The following CDH8 variants were observed in gnomAD, a reference collection of about 807,000 sequenced individuals.
The protein encoded by CDH8 is cadherin 8.
In CDH8, 17 loss-of-function variants were observed where a neutral mutation model predicts 68.1. The observed-to-expected ratio is 0.25, with a 90% CI of 0.17 to 0.37. The LOEUF (loss-of-function observed/expected upper bound fraction) is 0.37, where lower values mean the gene tolerates loss of function less well. Among genes scored for constraint, CDH8 ranks in the 10% least tolerant of loss-of-function variants. The pLI, the probability that CDH8 is intolerant of heterozygous loss-of-function variation, is 1.00. For missense variants in CDH8, 763 were observed against 999.3 expected, an observed-to-expected ratio of 0.76 and a Z score of 3.19; for synonymous variants, 372 against 365.1, an observed-to-expected ratio of 1.02 and a Z score of -0.21.
chr16:61,658,963 T>C (rs1331328048), intron 10 of CDH8, among the ~76,000 whole-genome samples: 2 of 152,204 alleles, frequency 1.3e-5, no homozygotes, highest in Non-Finnish European at 2.9e-5. Context: ...ATATAGTTTA[T>C]TGTGATAGTA....
intron 8 of CDH8, among the ~76,000 whole-genome samples, chr16:61,758,044 G>C (rs1567456586): frequency 6.6e-6 from 1 of 152,144 alleles, no homozygotes; most frequent in Non-Finnish European, 1.5e-5. Flanking sequence ...TAGATTAATT[G>C]AGAATATTGT....
chr16:62,035,766 G>T (rs1201383144), intron 1 of CDH8, among the ~76,000 whole-genome samples: 3 of 152,124 alleles, frequency 2.0e-5, no homozygotes, highest in Non-Finnish European at 2.9e-5. Context: ...AAATAGCCAA[G>T]TCGCCGCAGG....
At chr16:61,839,035 G>A (rs371565347) in intron 4 of CDH8, among the ~76,000 whole-genome samples, 37 of 152,140 alleles carry the variant, frequency 2.4e-4, no homozygotes, top group Non-Finnish European at 4.7e-4. Context: ...AGTAAATGAC[G>A]TTGGAATCTA....
chr16:61,902,948 T>C (rs1410614274), intron 2 of CDH8, among the ~76,000 whole-genome samples: 3 of 152,198 alleles, frequency 2.0e-5, no homozygotes, highest in Non-Finnish European at 4.4e-5. Context: ...AATTCATTAA[T>C]GTGATATTAA....
At chr16:61,762,256 T>A (rs1404618725) in intron 8 of CDH8, among the ~76,000 whole-genome samples, 1 of 152,170 alleles carries the variant, frequency 6.6e-6, no homozygotes, top group African/African-American at 2.4e-5. Flanking sequence ...CTGAATAAAC[T>A]GGGTAGACTG....
At chr16:61,814,161 G>A (rs904266087) in intron 7 of CDH8, among the ~76,000 whole-genome samples, 2 of 152,122 alleles carry the variant, frequency 1.3e-5, no homozygotes, top group African/African-American at 4.8e-5. Context: ...CCATACGGAG[G>A]AGAAAACTGA....
intron 10 of CDH8, among the ~76,000 whole-genome samples, chr16:61,712,345 G>T (rs558818738): frequency 6.6e-6 from 1 of 151,762 alleles, no homozygotes. Context: ...AGCCACACAA[G>T]AAGTGTATCT....
At chr16:61,694,417 C>T (rs1377491255) in intron 10 of CDH8, among the ~76,000 whole-genome samples, 1 of 152,138 alleles carries the variant, frequency 6.6e-6, no homozygotes, top group African/African-American at 2.4e-5. Flanking sequence ...AGTTTTCAAA[C>T]TGTCTTGGAT....
At chr16:61,783,872 A>G (rs556219520) in intron 8 of CDH8, among the ~76,000 whole-genome samples, 1 of 152,336 alleles carries the variant, frequency 6.6e-6, no homozygotes, top group Non-Finnish European at 1.5e-5. Context: ...AATACTTTAC[A>G]GACAAGCAAA....
intron 2 of CDH8, among the ~76,000 whole-genome samples, chr16:61,998,257 T>G (rs547365393): frequency 4.8e-4 from 73 of 152,322 alleles, no homozygotes; most frequent in African/African-American, 1.7e-3. Flanking sequence ...ATTAATATAT[T>G]GTTATTGTTG....
intron 9 of CDH8, chr16:61,725,496 GA>G (rs1959328462): frequency 6.6e-6 from 1 of 150,836 alleles, no homozygotes; most frequent in African/African-American, 2.4e-5. Context: ...CTATGTGATT[GA>G]AAAAGTCTAG....
chr16:62,003,270 G>A (rs1232055156), intron 2 of CDH8, among the ~76,000 whole-genome samples: 1 of 152,114 alleles, frequency 6.6e-6, no homozygotes, highest in Non-Finnish European at 1.5e-5. Flanking sequence ...CAAATTCCAT[G>A]TACTTCTAAT....
intron 10 of CDH8, among the ~76,000 whole-genome samples, chr16:61,675,890 A>C (rs1355643090): frequency 6.6e-6 from 1 of 151,250 alleles, no homozygotes; most frequent in Non-Finnish European, 1.5e-5. Flanking sequence ...TGACAATATT[A>C]ATAATAATAA....
intron 2 of CDH8, among the ~76,000 whole-genome samples, chr16:61,968,096 G>A (rs554556390): frequency 7.2e-5 from 11 of 152,146 alleles, no homozygotes; most frequent in Non-Finnish European, 1.2e-4. Context: ...ATAAGCAACC[G>A]GGCTGGGCCT....
chr16:61,742,728 A>C (rs1480402853), intron 8 of CDH8, among the ~76,000 whole-genome samples: 3 of 152,152 alleles, frequency 2.0e-5, no homozygotes, highest in African/African-American at 7.2e-5. Flanking sequence ...TATGTTACCT[A>C]AGATTTGTAT....
intron 2 of CDH8, among the ~76,000 whole-genome samples, chr16:61,972,221 CT>C (rs1426354862): frequency 2.0e-5 from 3 of 152,168 alleles, no homozygotes; most frequent in Non-Finnish European, 4.4e-5. Flanking sequence ...CTCCCTTGCC[CT>C]TTGCCATGAT....
chr16:61,730,615 A>G (rs908764359), intron 8 of CDH8, among the ~76,000 whole-genome samples: 2 of 151,578 alleles, frequency 1.3e-5, no homozygotes, highest in Admixed American at 1.3e-4. Flanking sequence ...ACTATTTTTT[A>G]CATTTATTTA....
chr16:61,792,816 C>G (rs140757388), intron 7 of CDH8, among the ~76,000 whole-genome samples: 28 of 151,920 alleles, frequency 1.8e-4, no homozygotes, highest in Admixed American at 7.9e-4. Context: ...CCACACTTTA[C>G]CAACATGTGT....
chr16:61,859,695 T>G (rs941656299), intron 3 of CDH8, among the ~76,000 whole-genome samples: 1 of 152,190 alleles, frequency 6.6e-6, no homozygotes, highest in South Asian at 2.1e-4. Context: ...TTGATCTTTG[T>G]GGTAAGGTGT....
Sources: gnomAD v4.1 joint callset for allele counts (sites outside exome capture counted in the v4.1 genomes callset) on GRCh38, gnomAD v4.1.1 for gene constraint, MANE v1.5 for transcripts, NCBI Gene and HGNC (gene_info 2026-07-23, HGNC 2026-07-21) for gene names.